IQGAP2: variants seen among roughly 807,000 people sequenced by gnomAD.
IQGAP2 encodes the protein ras GTPase-activating-like protein IQGAP2.
A neutral mutation model predicts 201.3 loss-of-function variants in IQGAP2; 173 were observed. The observed-to-expected ratio is 0.86, with a 90% CI of 0.76 to 0.98. The LOEUF is 0.98. Ranked by LOEUF, IQGAP2 falls within the 50% of genes least tolerant of loss-of-function variation. IQGAP2 has a pLI of 0.00. For synonymous variants in IQGAP2, 675 were observed against 673.9 expected (o/e 1.00, Z -0.03); for missense variants, 1,687 against 1,864.8 (o/e 0.90, Z 1.76).
Position 76,592,905 on chromosome 5 carries a change from G to A in IQGAP2, c.887G>A (p.Gly296Asp). ...CTGCTGACACAAGCAGAAATCCAAGGCAATATTAATAAAGTCAACAGTAAG... is the reference window on the plus strand; with the variant it reads ...CTGCTGACACAAGCAGAAATCCAAGACAATATTAATAAAGTCAACAGTAAG... ...EELLTQAEIQ[G>D]NINKVNRQAA... Residue 296 changes from glycine (G) to aspartate (D), a missense_variant, in exon 9 of 36, where the codon GGC becomes GAC. Coordinates refer to ENST00000274364, the MANE Select transcript of IQGAP2 (RefSeq NM_006633.5). 3 of 1,609,094 alleles carry A rather than the reference G, an allele frequency of 1.9e-6. No homozygotes were observed. Among genetic ancestry groups the A allele is most frequent in the Non-Finnish European group, 2.6e-6 (3 of 1,175,532 alleles).
chr5:76,538,562 TTGATG>T (rs1455544451), intron 2 of IQGAP2, among the ~76,000 whole-genome samples: 1 of 152,212 alleles, frequency 6.6e-6, no homozygotes, highest in Non-Finnish European at 1.5e-5. Context: ...GAGTTTATAA[TTGATG>T]TGTGTTTAGC....
intron 2 of IQGAP2, among the ~76,000 whole-genome samples, chr5:76,529,228 A>C (rs545501189): frequency 6.6e-6 from 1 of 151,048 alleles, no homozygotes; most frequent in East Asian, 1.9e-4. Flanking sequence ...AATGATGTAC[A>C]TATGAAAAAG....
rs751333017 is a variant in IQGAP2 at position 76,631,850 on chromosome 5, A to T, written c.1613-9A>T. 1.9e-6 allele frequency: 3 copies of T among 1,538,912 alleles called. No individual in the cohort carries two copies. The highest frequency in any genetic ancestry group is 2.5e-5 in the South Asian group (2 of 79,760). ...CCATTAACAAGAAACTTTTTTTTCA[A>T]TTACCCAGGGGTTACTCTGGTGGTT... On this transcript the variant is annotated splice_polypyrimidine_tract_variant and intron_variant, in intron 14 of 35. Transcript: ENST00000274364.
chr5:76,628,480 C>A (rs1750436016), intron 14 of IQGAP2, among the ~76,000 whole-genome samples: 1 of 152,128 alleles, frequency 6.6e-6, no homozygotes, highest in African/African-American at 2.4e-5. Context: ...AATTGTTTAA[C>A]CCTCTGTTTT....
chr5:76,475,475 G>A (rs551962567), intron 2 of IQGAP2, among the ~76,000 whole-genome samples: 2 of 152,136 alleles, frequency 1.3e-5, no homozygotes, highest in East Asian at 3.9e-4. Context: ...GCTTCAAGGT[G>A]TCTCTGACAT....
chr5:76,618,025 A>G (rs745487491), intron 13 of IQGAP2: 2 of 1,614,188 alleles, frequency 1.2e-6, no homozygotes, highest in East Asian at 2.2e-5. Context: ...AGTATGAAAA[A>G]TGGCAGCATA....
At chr5:76,512,927 C>T (rs527852837) in intron 2 of IQGAP2, among the ~76,000 whole-genome samples, 112 of 152,224 alleles carry the variant, frequency 7.4e-4, no homozygotes, top group African/African-American at 2.3e-3. Flanking sequence ...TGATGGCGCA[C>T]GCCTGTAATC....
chr5:76,534,050 C>G (rs1759483109), intron 2 of IQGAP2, among the ~76,000 whole-genome samples: 1 of 152,138 alleles, frequency 6.6e-6, no homozygotes, highest in Non-Finnish European at 1.5e-5. Context: ...TTATAAACAC[C>G]TTCTCCTATA....
chr5:76,462,169 G>A (rs1754496294), intron 2 of IQGAP2, among the ~76,000 whole-genome samples: 1 of 152,164 alleles, frequency 6.6e-6, no homozygotes, highest in African/African-American at 2.4e-5. Flanking sequence ...TCATCTCACT[G>A]GCTTGGATGT....
At chr5:76,541,202 C>T (rs527625154) in intron 2 of IQGAP2, among the ~76,000 whole-genome samples, 1 of 151,518 alleles carries the variant, frequency 6.6e-6, no homozygotes, top group African/African-American at 2.4e-5. Flanking sequence ...CTCCTCCTAG[C>T]CCCCTGGTAA....
intron 2 of IQGAP2, among the ~76,000 whole-genome samples, chr5:76,532,544 C>T (rs1391489716): frequency 6.6e-6 from 1 of 152,036 alleles, no homozygotes; most frequent in Non-Finnish European, 1.5e-5. Context: ...AAGACAGCCT[C>T]CTATCCTGTA....
chr5:76,579,305 C>T (rs1745678940), intron 5 of IQGAP2, among the ~76,000 whole-genome samples: 1 of 152,124 alleles, frequency 6.6e-6, no homozygotes. Flanking sequence ...AAAGAATACC[C>T]TTTCAAACCT....
chr5:76,507,579 G>A (rs941887899), intron 2 of IQGAP2, among the ~76,000 whole-genome samples: 3 of 152,150 alleles, frequency 2.0e-5, no homozygotes, highest in Admixed American at 6.5e-5. Context: ...TCTGTGAAAG[G>A]CCATGTCAAG....
At chr5:76,578,293 A>G (rs1745603088) in intron 5 of IQGAP2, among the ~76,000 whole-genome samples, 1 of 149,720 alleles carries the variant, frequency 6.7e-6, no homozygotes, top group Admixed American at 6.7e-5. Context: ...TAATGTAGAC[A>G]GACTCACCTT....
intron 31 of IQGAP2, 110 bp from the exon 32 acceptor site, chr5:76,695,344 C>A: frequency 1.2e-6 from 1 of 853,206 alleles, no homozygotes; most frequent in Non-Finnish European, 1.9e-6. Context: ...AGTCTCTGAA[C>A]TTTGGCTGGA....
Position 76,674,599 on chromosome 5 carries a change from A to G in IQGAP2, c.3417A>G (p.Gly1139=). 1 of 1,614,114 alleles carries G rather than the reference A, an allele frequency of 6.2e-7. No individual in the cohort carries two copies. Among genetic ancestry groups the G allele is most frequent in the Non-Finnish European group, 8.5e-7 (1 of 1,179,986 alleles). Residue 1139 remains glycine (G), a synonymous_variant, in exon 27 of 36, where the codon GGA becomes GGG. Coordinates refer to ENST00000274364, the MANE Select transcript of IQGAP2 (RefSeq NM_006633.5). ...ATTCTGACCAAAGGAGAAACTTAGG[A>G]TCAGTGGCCAAGGTTCTTCAGCACG... ...QINSDQRRNL[G]SVAKVLQHAA...
chr5:76,663,699 T>G (rs958728142), intron 21 of IQGAP2, among the ~76,000 whole-genome samples: 9 of 71,984 alleles, frequency 1.3e-4, no homozygotes, highest in African/African-American at 3.8e-4. Context: ...CACACCTGGC[T>G]TATTTTTAAA....
At position 76,434,218 on chromosome 5, in the gene IQGAP2, G is replaced by A. The variant is rs191574553; in HGVS notation, c.47-27352G>A. ...TTTTAAAGAAATTTCAATAGCTTTGGGGGTACAAGGGTTTTTGGTATGTGG... is the reference window on the plus strand; with the variant it reads ...TTTTAAAGAAATTTCAATAGCTTTGAGGGTACAAGGGTTTTTGGTATGTGG... On this transcript the variant is annotated intron_variant, in intron 1 of 35. Coordinates refer to ENST00000274364, the MANE Select transcript of IQGAP2 (RefSeq NM_006633.5). 9.5e-3 allele frequency among the ~76,000 whole-genome samples: 1,450 copies of A among 152,204 alleles called. 31 individuals carry two copies. The highest frequency in any genetic ancestry group is 0.035 in the Admixed American group (528 of 15,274).
rs149029435 is a variant in IQGAP2 at position 76,516,484 on chromosome 5, T to G, written c.147-45912T>G. Among the ~76,000 whole-genome samples, 23 of 152,380 alleles carry G rather than the reference T, an allele frequency of 1.5e-4. No homozygotes were observed. In the East Asian group the frequency reaches 4.4e-3, roughly 29 times the overall value. The stretch of plus-strand genomic sequence containing the variant: ...CAACAGTAGCTGATGGCATATTTTT[T>G]TCAAGTTCATACTGGATTATAGTTG... On this transcript the variant is annotated intron_variant, in intron 2 of 35. Transcript: ENST00000274364.
Sources: gnomAD v4.1 joint callset for allele counts (sites outside exome capture counted in the v4.1 genomes callset) on GRCh38, gnomAD v4.1.1 for gene constraint, MANE v1.5 for transcripts, NCBI Gene and HGNC (gene_info 2026-07-23, HGNC 2026-07-21) for gene names.